CERKL: variants seen among roughly 807,000 people sequenced by gnomAD.
The protein encoded by CERKL is ceramide kinase-like protein.
CERKL carries 61 observed loss-of-function variants against 63.4 expected under a neutral mutation model. That is an observed-to-expected ratio of 0.96 (90% CI 0.78 to 1.19). CERKL has a LOEUF of 1.19. CERKL is among the 50% of genes most tolerant of loss of function. The pLI, the probability that CERKL is intolerant of heterozygous loss-of-function variation, is 0.00. For missense variants in CERKL, 675 were observed against 655.5 expected, an observed-to-expected ratio of 1.03 and a Z score of -0.33; for synonymous variants, 250 against 230.5, an observed-to-expected ratio of 1.08 and a Z score of -0.77.
At position 181,573,874 on chromosome 2, in the gene CERKL, G is replaced by A. The variant is rs1689014524; in HGVS notation, c.492C>T (p.Asn164=). The A allele has an allele frequency of 6.2e-7, 1 of 1,612,366 alleles. No homozygotes were observed. Among genetic ancestry groups the A allele is most frequent in the Non-Finnish European group, 8.5e-7 (1 of 1,179,194 alleles). The part of the protein sequence containing the change: ...QFKKILAGFP[N]RPKSLKILLN... ...GGAGTATTTTTAATGACTTCGGTCT[G>A]TTTGGAAAGCCTAAGAAGAAATTTT... The change falls in exon 3 of 13, where the codon AAC becomes AAT. Residue 164 remains asparagine (N), a synonymous_variant. Transcript: ENST00000410087.
chr2:181,540,087 A>T (rs145536357), intron 11 of CERKL, among the ~76,000 whole-genome samples: 2 of 152,176 alleles, frequency 1.3e-5, no homozygotes, highest in Non-Finnish European at 2.9e-5. Context: ...CAGAAAACTA[A>T]TATTTTCCCC....
intron 2 of CERKL, among the ~76,000 whole-genome samples, chr2:181,581,790 A>G (rs1684524842): frequency 6.6e-6 from 1 of 152,212 alleles, no homozygotes; most frequent in South Asian, 2.1e-4. Flanking sequence ...GTTTGCAGGT[A>G]GAACACTTGG....
intron 2 of CERKL, among the ~76,000 whole-genome samples, chr2:181,587,082 T>G (rs1684799796): frequency 6.6e-6 from 1 of 152,204 alleles, no homozygotes; most frequent in African/African-American, 2.4e-5. Flanking sequence ...ACATAAGATT[T>G]GACAACTTTC....
At chr2:181,652,580 G>A (rs1424750162) in intron 1 of CERKL, among the ~76,000 whole-genome samples, 2 of 152,080 alleles carry the variant, frequency 1.3e-5, no homozygotes, top group Non-Finnish European at 2.9e-5. Context: ...CCTGAGCAAG[G>A]ATTTTTAAAA....
intron 1 of CERKL, among the ~76,000 whole-genome samples, chr2:181,637,504 A>G (rs972920218): frequency 6.6e-6 from 1 of 152,104 alleles, no homozygotes; most frequent in African/African-American, 2.4e-5. Flanking sequence ...AAGGTAGAAA[A>G]ACACATATAT....
intron 2 of CERKL, among the ~76,000 whole-genome samples, chr2:181,591,142 A>T (rs1394230348): frequency 6.6e-6 from 1 of 152,188 alleles, no homozygotes. Context: ...TTAAAAGGAA[A>T]GTGGCAAAGT....
chr2:181,548,979 C>A, intron 6 of CERKL, 122 bp from the exon 7 acceptor site: 1 of 820,548 alleles, frequency 1.2e-6, no homozygotes, highest in Non-Finnish European at 2.0e-6. Context: ...AGACCATGAA[C>A]ATCCTCACTT....
intron 11 of CERKL, among the ~76,000 whole-genome samples, chr2:181,543,045 A>T (rs945787781): frequency 5.3e-5 from 8 of 150,764 alleles, no homozygotes; most frequent in Non-Finnish European, 1.2e-4. Context: ...GTACATTAAT[A>T]GGTTAATACT....
intron 3 of CERKL, among the ~76,000 whole-genome samples, chr2:181,571,582 A>G (rs1368113032): frequency 1.3e-5 from 2 of 152,128 alleles, no homozygotes; most frequent in Non-Finnish European, 2.9e-5. Context: ...GATAAAAAAA[A>G]ATTTACACCA....
In CERKL at chr2:181,550,586, T is replaced by G. The variant is rs1687939674; in HGVS notation, c.821-878A>C. Among the ~76,000 whole-genome samples the G allele has an allele frequency of 1.3e-5, 2 of 152,186 alleles. No individual in the cohort carries two copies. On this transcript the variant is annotated intron_variant, in intron 5 of 12. Coordinates refer to ENST00000410087, the MANE Select transcript of CERKL (RefSeq NM_201548.5). The surrounding 1 kb of genome is among the most constrained non-coding windows in gnomAD (Gnocchi z 4.5). The stretch of plus-strand genomic sequence containing the variant: ...AGTAAGTCCAATAATAGCCAAGAGC[T>G]GTGAAACCATGCATGTGGTGTGTTC...
intron 1 of CERKL, among the ~76,000 whole-genome samples, chr2:181,604,377 G>C (rs1174749016): frequency 2.6e-5 from 4 of 152,136 alleles, no homozygotes; most frequent in African/African-American, 9.7e-5. Context: ...ATGAATAATA[G>C]TTAAAACCAA....
At chr2:181,627,427 C>T (rs1355493152) in intron 1 of CERKL, among the ~76,000 whole-genome samples, 1 of 152,122 alleles carries the variant, frequency 6.6e-6, no homozygotes, top group Non-Finnish European at 1.5e-5. Flanking sequence ...GAAAAAATTA[C>T]CAGGAGTTGC....
chr2:181,557,686 G>A (rs1688272037), intron 5 of CERKL, among the ~76,000 whole-genome samples: 1 of 152,092 alleles, frequency 6.6e-6, no homozygotes. Flanking sequence ...CCCTTGCTCT[G>A]AAACATCCCA....
chr2:181,577,127 C>T (rs573326970), intron 2 of CERKL, among the ~76,000 whole-genome samples: 1 of 152,220 alleles, frequency 6.6e-6, no homozygotes, highest in South Asian at 2.1e-4. Flanking sequence ...GCAAAGGGGC[C>T]ACATTTTGAG....
chr2:181,601,231 T>A (rs1685446200), intron 2 of CERKL, among the ~76,000 whole-genome samples: 1 of 152,206 alleles, frequency 6.6e-6, no homozygotes, highest in African/African-American at 2.4e-5. Flanking sequence ...TGAAAGAAGA[T>A]TCTTAAAGAA....
chr2:181,585,147 G>C (rs928849097), intron 2 of CERKL, among the ~76,000 whole-genome samples: 1 of 151,862 alleles, frequency 6.6e-6, no homozygotes, highest in African/African-American at 2.4e-5. Context: ...ACCATCACTT[G>C]ACATAATAGA....
At chr2:181,647,641 C>A (rs1687728126) in intron 1 of CERKL, among the ~76,000 whole-genome samples, 1 of 152,164 alleles carries the variant, frequency 6.6e-6, no homozygotes, top group Non-Finnish European at 1.5e-5. Context: ...GTGAAAGCTA[C>A]TGCATACAAC....
chr2:181,541,409 T>C (rs1687498177), intron 11 of CERKL, among the ~76,000 whole-genome samples: 1 of 152,214 alleles, frequency 6.6e-6, no homozygotes, highest in Non-Finnish European at 1.5e-5. Flanking sequence ...GTATTTGTTA[T>C]GGCAACCTTA....
At chr2:181,613,641 T>C (rs1559106146) in intron 1 of CERKL, among the ~76,000 whole-genome samples, 1 of 152,212 alleles carries the variant, frequency 6.6e-6, no homozygotes, top group Non-Finnish European at 1.5e-5. Flanking sequence ...AGAAGAAATA[T>C]TTAGTTCTTA....
Sources: gnomAD v4.1 joint callset for allele counts (sites outside exome capture counted in the v4.1 genomes callset) on GRCh38, gnomAD v4.1.1 for gene constraint, Gnocchi (gnomAD v3.1) non-coding constraint, MANE v1.5 for transcripts, NCBI Gene and HGNC (gene_info 2026-07-23, HGNC 2026-07-21) for gene names.